Variants in CCDC85A observed in about 807,000 individuals in gnomAD.
CCDC85A encodes the protein coiled-coil domain-containing protein 85A.
Under a neutral mutation model 50.2 loss-of-function variants are expected in CCDC85A, and 38 were observed. The ratio of observed to expected loss-of-function variants is 0.76; its 90% CI spans 0.58 to 0.99. CCDC85A has a LOEUF of 0.99. Ranked by LOEUF, CCDC85A falls within the 50% of genes least tolerant of loss-of-function variation. The probability of loss-of-function intolerance (pLI) is 0.00; values close to 1 mark genes in which losing one functional copy is unlikely to be tolerated. For missense variants in CCDC85A, 820 were observed against 742.0 expected, an observed-to-expected ratio of 1.11 and a Z score of -1.22; for synonymous variants, 366 against 301.4, an observed-to-expected ratio of 1.21 and a Z score of -2.22.
At chr2:56,326,056 T>C (rs1201361128) in intron 2 of CCDC85A, among the ~76,000 whole-genome samples, 1 of 152,144 alleles carries the variant, frequency 6.6e-6, no homozygotes, top group African/African-American at 2.4e-5. Flanking sequence ...TTGGTGCCGA[T>C]CAAATTCTTT....
intron 2 of CCDC85A, among the ~76,000 whole-genome samples, chr2:56,310,386 C>G (rs1672635332): frequency 6.6e-6 from 1 of 152,118 alleles, no homozygotes; most frequent in East Asian, 1.9e-4. Context: ...GGTACTCAGT[C>G]CTGTCAATTG....
At chr2:56,305,469 G>A (rs1272428157) in intron 2 of CCDC85A, among the ~76,000 whole-genome samples, 1 of 152,182 alleles carries the variant, frequency 6.6e-6, no homozygotes, top group Non-Finnish European at 1.5e-5. Context: ...GCTGTTAAAC[G>A]CTGTAATCCC....
At chr2:56,267,005 A>G (rs548255814) in intron 2 of CCDC85A, among the ~76,000 whole-genome samples, 134 of 152,242 alleles carry the variant, frequency 8.8e-4, no homozygotes, top group African/African-American at 3.2e-3. Context: ...GTGAGTGTCC[A>G]TGTGCTTAGG....
In CCDC85A at chr2:56,192,813, C is replaced by A. The variant is rs1160592626; in HGVS notation, c.613C>A (p.Arg205=). The change falls in exon 2 of 6, where the codon CGG becomes AGG. Residue 205 remains arginine (R), a synonymous_variant. Coordinates refer to ENST00000407595, the MANE Select transcript of CCDC85A (RefSeq NM_001080433.2). The surrounding 1 kb of genome is among the most constrained non-coding windows in gnomAD (Gnocchi z 4.7). ...QLTASTAPYV[R]DVGDGSSTSS... Reference sequence around the variant, plus strand: ...CACAGCCTCCACCGCACCCTACGTGCGGGATGTGGGTGACGGCAGCAGCAC... The same window carrying A: ...CACAGCCTCCACCGCACCCTACGTGAGGGATGTGGGTGACGGCAGCAGCAC... The A allele has an allele frequency of 6.2e-7, 1 of 1,613,356 alleles. No homozygotes were observed. The highest frequency in any genetic ancestry group is 1.1e-5 in the South Asian group (1 of 91,026).
chr2:56,213,350 CA>C (rs1677258093), intron 2 of CCDC85A, among the ~76,000 whole-genome samples: 2 of 152,000 alleles, frequency 1.3e-5, no homozygotes, highest in African/African-American at 2.4e-5. Context: ...GTCAATACCT[CA>C]AATTAATCTG....
intron 2 of CCDC85A, among the ~76,000 whole-genome samples, chr2:56,248,996 C>T (rs1313635981): frequency 3.3e-5 from 5 of 152,182 alleles, no homozygotes; most frequent in Admixed American, 6.5e-5. Flanking sequence ...AAGGTTAGGG[C>T]GGGACTGTGA....
intron 2 of CCDC85A, among the ~76,000 whole-genome samples, chr2:56,205,665 C>T (rs976048062): frequency 2.0e-5 from 3 of 152,112 alleles, no homozygotes; most frequent in Admixed American, 6.5e-5. Flanking sequence ...AAATTATGTT[C>T]GTATTTCATT....
chr2:56,385,688 G>C lies in CCDC85A; in HGVS notation c.*1333G>C, dbSNP rs1676792221. On this transcript the variant is annotated 3_prime_UTR_variant, in exon 6 of 6. Transcript: ENST00000407595. ...TCTCTGTTGTTGTTGTTTTAGATGG[G>C]CTCATTACATAACGAGTTAATTGTC... 6.6e-6 allele frequency: 1 copy of C among 151,792 alleles called. No homozygotes were observed. Among genetic ancestry groups the C allele is most frequent in the South Asian group, 2.1e-4 (1 of 4,820 alleles). 9.4% of individuals were successfully genotyped at this position (151,792 alleles called of 1,614,324 possible).
rs184154829 is a variant in CCDC85A, at chr2:56,268,910, G to A, written c.1241-73969G>A. Reference sequence around the variant, plus strand: ...GTTATTGTTAGTTTAGAAAATTTTAGCTTTTATTCATAATGCTGCGTACAT... The same window carrying A: ...GTTATTGTTAGTTTAGAAAATTTTAACTTTTATTCATAATGCTGCGTACAT... On this transcript the variant is annotated intron_variant, in intron 2 of 5. Transcript: ENST00000407595. 3.9e-5 allele frequency among the ~76,000 whole-genome samples: 6 copies of A among 152,172 alleles called. No homozygotes were observed. In the East Asian group the frequency reaches 1.2e-3, roughly 29 times the overall value.
intron 2 of CCDC85A, among the ~76,000 whole-genome samples, chr2:56,334,290 G>A (rs1573284306): frequency 6.6e-6 from 1 of 152,212 alleles, no homozygotes; most frequent in Admixed American, 6.5e-5. Context: ...AACAATACCT[G>A]GCACATAGCA....
At chr2:56,215,324 A>T (rs944016384) in intron 2 of CCDC85A, among the ~76,000 whole-genome samples, 1 of 151,906 alleles carries the variant, frequency 6.6e-6, no homozygotes, top group Non-Finnish European at 1.5e-5. Flanking sequence ...ATAGGTAGTC[A>T]CAGCATCTGC....
At chr2:56,327,212 T>G (rs2104281227) in intron 2 of CCDC85A, among the ~76,000 whole-genome samples, 1 of 152,254 alleles carries the variant, frequency 6.6e-6, no homozygotes, top group African/African-American at 2.4e-5. Flanking sequence ...ACTAATAAGG[T>G]TTATTGTAAA....
At chr2:56,318,462 C>T (rs972342103) in intron 2 of CCDC85A, among the ~76,000 whole-genome samples, 1 of 152,072 alleles carries the variant, frequency 6.6e-6, no homozygotes, top group South Asian at 2.1e-4. Flanking sequence ...CTAGTCTGAT[C>T]ATCCAGTCAT....
chr2:56,313,500 C>T (rs1165472621), intron 2 of CCDC85A, among the ~76,000 whole-genome samples: 3 of 152,114 alleles, frequency 2.0e-5, no homozygotes, highest in Non-Finnish European at 4.4e-5. Flanking sequence ...GCCAGTCAAG[C>T]TTGGGGCTTC....
chr2:56,238,560 G>C (rs1342256294), intron 2 of CCDC85A, among the ~76,000 whole-genome samples: 1 of 151,864 alleles, frequency 6.6e-6, no homozygotes, highest in East Asian at 1.9e-4. Context: ...TCATTTGTTG[G>C]ACATTGTACA....
At chr2:56,252,850 C>T (rs1485648931) in intron 2 of CCDC85A, among the ~76,000 whole-genome samples, 1 of 151,958 alleles carries the variant, frequency 6.6e-6, no homozygotes, top group Non-Finnish European at 1.5e-5. Flanking sequence ...CAGCTTCATC[C>T]ATGTCCCTGC....
At chr2:56,358,831 T>C (rs1020506166) in intron 3 of CCDC85A, among the ~76,000 whole-genome samples, 1 of 151,772 alleles carries the variant, frequency 6.6e-6, no homozygotes, top group Non-Finnish European at 1.5e-5. Context: ...GTTACCCAGG[T>C]TGGAGTACAG....
intron 2 of CCDC85A, among the ~76,000 whole-genome samples, chr2:56,339,307 G>T (rs959103828): frequency 2.1e-4 from 32 of 152,106 alleles, no homozygotes; most frequent in Admixed American, 1.8e-3. Context: ...CATATTTGCA[G>T]TGAATGCTTT....
chr2:56,283,961 C>T (rs934956258), intron 2 of CCDC85A, among the ~76,000 whole-genome samples: 1 of 152,048 alleles, frequency 6.6e-6, no homozygotes, highest in Admixed American at 6.5e-5. Context: ...AAAAAGGAAA[C>T]TTAAATCACT....
Sources: allele counts gnomAD v4.1 joint callset (sites outside exome capture counted in the v4.1 genomes callset), GRCh38; gene constraint gnomAD v4.1.1; non-coding constraint Gnocchi (gnomAD v3.1); transcripts MANE v1.5; gene names NCBI Gene and HGNC (gene_info 2026-07-23, HGNC 2026-07-21).